Variants in UQCC1 observed in about 807,000 individuals in gnomAD.
The protein encoded by UQCC1 is bFGF-repressed Zic-binding protein.
In UQCC1, 38 loss-of-function variants were observed where a neutral mutation model predicts 48.0. The ratio of observed to expected loss-of-function variants is 0.79; its 90% CI spans 0.61 to 1.04. The LOEUF (loss-of-function observed/expected upper bound fraction) is 1.04, where lower values mean the gene tolerates loss of function less well. Ranked by LOEUF, UQCC1 falls within the 50% of genes least tolerant of loss-of-function variation. The pLI is 0.00. For synonymous variants in UQCC1, 111 were observed against 129.2 expected (o/e 0.86, Z 0.95); for missense variants, 368 against 381.8 (o/e 0.96, Z 0.30).
intron 3 of UQCC1, among the ~76,000 whole-genome samples, chr20:35,382,679 T>G (rs1159608022): frequency 6.6e-6 from 1 of 151,586 alleles, no homozygotes; most frequent in African/African-American, 2.4e-5. Context: ...CCGGCTAATT[T>G]TTTTGTATTT....
chr20:35,357,771 C>T (rs1252416914), intron 6 of UQCC1, among the ~76,000 whole-genome samples: 1 of 151,848 alleles, frequency 6.6e-6, no homozygotes, highest in Non-Finnish European at 1.5e-5. Flanking sequence ...TCCTGCTACC[C>T]ACTGCAAAAC....
chr20:35,340,320 C>T (rs1350532692), intron 7 of UQCC1, among the ~76,000 whole-genome samples: 4 of 152,206 alleles, frequency 2.6e-5, no homozygotes, highest in African/African-American at 7.2e-5. Flanking sequence ...TGCTTAAATT[C>T]GTAAGCCAAT....
At chr20:35,308,860 A>G (rs943273090) in intron 8 of UQCC1, among the ~76,000 whole-genome samples, 4 of 152,128 alleles carry the variant, frequency 2.6e-5, no homozygotes, top group African/African-American at 7.2e-5. Context: ...GACTACGGGC[A>G]TGTGCCATCA....
At chr20:35,312,582 G>C (rs1289797025) in intron 8 of UQCC1, among the ~76,000 whole-genome samples, 1 of 152,158 alleles carries the variant, frequency 6.6e-6, no homozygotes, top group Non-Finnish European at 1.5e-5. Flanking sequence ...CTGAGTCACA[G>C]GAAGTTCAGG....
At chr20:35,348,055 A>G (rs113993568) in intron 6 of UQCC1, among the ~76,000 whole-genome samples, 78 of 152,328 alleles carry the variant, frequency 5.1e-4, no homozygotes, top group African/African-American at 1.7e-3. Flanking sequence ...CCCCCACTAG[A>G]AGGTAAGCTC....
At chr20:35,403,929 G>A (rs538965773) in intron 1 of UQCC1, among the ~76,000 whole-genome samples, 1 of 152,216 alleles carries the variant, frequency 6.6e-6, no homozygotes, top group African/African-American at 2.4e-5. Flanking sequence ...GGGGAGCGGG[G>A]AGGGATAGCA....
intron 7 of UQCC1, among the ~76,000 whole-genome samples, chr20:35,327,377 A>G (rs538691785): frequency 9.8e-5 from 15 of 152,340 alleles, no homozygotes; most frequent in African/African-American, 3.6e-4. Context: ...TACTGACCCA[A>G]TGGTTATCTG....
intron 1 of UQCC1, among the ~76,000 whole-genome samples, chr20:35,408,763 G>A (rs1199703482): frequency 6.6e-6 from 1 of 151,864 alleles, no homozygotes; most frequent in East Asian, 1.9e-4. Flanking sequence ...GCTGAAGTGG[G>A]AGGATCACTT....
At chr20:35,338,728 CCAGCTA>C (rs2061340091) in intron 7 of UQCC1, among the ~76,000 whole-genome samples, 1 of 150,038 alleles carries the variant, frequency 6.7e-6, no homozygotes, top group Admixed American at 6.6e-5. Flanking sequence ...GCCTGTAGTC[CCAGCTA>C]CTTGGGAGGC....
Position 35,307,400 on chromosome 20 carries a change from A to C in UQCC1, c.652-621T>G, listed in dbSNP as rs183242151. Among the ~76,000 whole-genome samples the C allele has an allele frequency of 9.9e-5, 15 of 152,250 alleles. No homozygotes were observed. The East Asian group carries it at 2.9e-3, about 29-fold the overall frequency. On this transcript the variant is annotated intron_variant, in intron 8 of 9. Coordinates refer to ENST00000374385, the MANE Select transcript of UQCC1 (RefSeq NM_018244.5). ...ACAGAGGGCCAGGCTCAGAGCTTGC[A>C]TGTGTGTGTGTGCCTAACGCTGCCT...
intron 1 of UQCC1, among the ~76,000 whole-genome samples, chr20:35,406,179 G>A (rs1040940683): frequency 3.9e-5 from 6 of 152,122 alleles, no homozygotes; most frequent in African/African-American, 1.4e-4. Flanking sequence ...CAGAAGGAAA[G>A]AAAAGGACCG....
intron 8 of UQCC1, among the ~76,000 whole-genome samples, chr20:35,312,520 A>G (rs1281565139): frequency 6.6e-6 from 1 of 152,178 alleles, no homozygotes; most frequent in African/African-American, 2.4e-5. Flanking sequence ...CCAAGGTGAC[A>G]GATAATGTGA....
At chr20:35,363,285 C>A (rs368394428) in intron 6 of UQCC1, among the ~76,000 whole-genome samples, 1 of 152,062 alleles carries the variant, frequency 6.6e-6, no homozygotes, top group African/African-American at 2.4e-5. Flanking sequence ...GTGGCCAAGA[C>A]AGGATATAGG....
intron 1 of UQCC1, among the ~76,000 whole-genome samples, chr20:35,403,738 A>T (rs983110031): frequency 6.6e-6 from 1 of 152,256 alleles, no homozygotes; most frequent in Non-Finnish European, 1.5e-5. Flanking sequence ...GCCATAAAAA[A>T]GGATGAGTTC....
At chr20:35,360,659 C>T (rs2061595548) in intron 6 of UQCC1, among the ~76,000 whole-genome samples, 1 of 152,124 alleles carries the variant, frequency 6.6e-6, no homozygotes, top group Admixed American at 6.5e-5. Context: ...AAGGCCAAGG[C>T]AACTGCTTTC....
At chr20:35,326,433 T>C (rs1456109031) in intron 7 of UQCC1, among the ~76,000 whole-genome samples, 1 of 152,228 alleles carries the variant, frequency 6.6e-6, no homozygotes, top group Non-Finnish European at 1.5e-5. Context: ...ATGCCCTTCA[T>C]GTCTCCTATG....
Position 35,366,567 on chromosome 20 carries a change from G to C in UQCC1, c.454C>G (p.Leu152Val). The C allele has an allele frequency of 6.2e-7, 1 of 1,613,872 alleles. No homozygotes were observed. The highest frequency in any genetic ancestry group is 1.1e-5 in the South Asian group (1 of 91,062). ...TFNSWFLITL[L>V]HVWMCLVRMK... is the part of the protein sequence containing the mutation. ...AAATTGCTCACTTACCAGACGTGGA[G>C]TAGGGTTATAAGAAACCATGAATTG... Residue 152 changes from leucine to valine, a missense_variant, in exon 6 of 10, where the codon CTC becomes GTC. Leu to Val is a conservative substitution (Grantham distance 32). Transcript: ENST00000374385.
At chr20:35,314,105 C>T (rs2061027607) in intron 8 of UQCC1, among the ~76,000 whole-genome samples, 1 of 152,050 alleles carries the variant, frequency 6.6e-6, no homozygotes, top group Non-Finnish European at 1.5e-5. Flanking sequence ...GCTGGGATTA[C>T]AGGCACCCAC....
At chr20:35,345,702 G>A (rs2061424663) in intron 7 of UQCC1, 1 of 151,928 alleles carries the variant, frequency 6.6e-6, no homozygotes, top group African/African-American at 2.4e-5. Flanking sequence ...TTAGACTGGG[G>A]GGAAAAAAGA....
Sources: allele counts gnomAD v4.1 joint callset (sites outside exome capture counted in the v4.1 genomes callset), GRCh38; gene constraint gnomAD v4.1.1; transcripts MANE v1.5; gene names NCBI Gene and HGNC (gene_info 2026-07-23, HGNC 2026-07-21).